Variants in HLCS observed in about 807,000 individuals in gnomAD.
The protein encoded by HLCS is holocarboxylase synthetase.
HLCS carries 53 observed loss-of-function variants against 75.0 expected under a neutral mutation model. The observed-to-expected ratio is 0.71, with a 90% CI of 0.57 to 0.89. The LOEUF is 0.89. Ranked by LOEUF, HLCS falls within the 40% of genes least tolerant of loss-of-function variation. HLCS has a pLI of 0.00. For missense variants in HLCS, 966 were observed against 1,074.0 expected, an observed-to-expected ratio of 0.90 and a Z score of 1.41; for synonymous variants, 431 against 428.6, an observed-to-expected ratio of 1.01 and a Z score of -0.07.
At chr21:36,969,403 C>T (rs759133980), upstream of HLCS, among the ~76,000 whole-genome samples, 2 of 152,132 alleles carry the variant, frequency 1.3e-5, no homozygotes, top group Non-Finnish European at 2.9e-5. Context: ...GAATCCTAGG[C>T]CCCACCCAAC....
At chr21:36,986,607 A>G in intron 1 of HLCS, 1 of 152,334 alleles carries the variant, frequency 6.6e-6, no homozygotes, top group Non-Finnish European at 1.5e-5. Flanking sequence ...TAGTAGAGAC[A>G]GGGTTTCTCC....
At chr21:36,850,004 A>G (rs1329339684) in intron 6 of HLCS, among the ~76,000 whole-genome samples, 1 of 152,072 alleles carries the variant, frequency 6.6e-6, no homozygotes, top group Non-Finnish European at 1.5e-5. Flanking sequence ...TGTTCCTTTC[A>G]ACTTTCTTCT....
At chr21:36,852,518 C>T (rs1000256180) in intron 6 of HLCS, among the ~76,000 whole-genome samples, 1 of 152,152 alleles carries the variant, frequency 6.6e-6, no homozygotes, top group Non-Finnish European at 1.5e-5. Context: ...TGCTTGGTGC[C>T]AGGCCAGCTG....
chr21:36,981,901 C>G (rs2069129129), intron 1 of HLCS, among the ~76,000 whole-genome samples: 1 of 152,150 alleles, frequency 6.6e-6, no homozygotes, highest in Admixed American at 6.5e-5. Flanking sequence ...AATTAGAATA[C>G]TCTCTCCCAA....
intron 6 of HLCS, among the ~76,000 whole-genome samples, chr21:36,847,853 T>C (rs1048383269): frequency 1.3e-5 from 2 of 152,254 alleles, no homozygotes; most frequent in African/African-American, 4.8e-5. Flanking sequence ...CTGCCTTTCA[T>C]GTATTCTGGC....
chr21:36,781,894 G>A (rs1427307846), intron 6 of HLCS, among the ~76,000 whole-genome samples: 1 of 152,048 alleles, frequency 6.6e-6, no homozygotes, highest in African/African-American at 2.4e-5. Flanking sequence ...TCAGGACAGG[G>A]TGTTGAATTT....
intron 2 of HLCS, among the ~76,000 whole-genome samples, chr21:36,951,637 T>TC (rs1261887956): frequency 3.9e-5 from 6 of 152,212 alleles, no homozygotes; most frequent in Non-Finnish European, 2.9e-5. Flanking sequence ...AACACATGCC[T>TC]CCAACCCTAC....
At chr21:36,754,989 C>T (rs1042837989) in intron 10 of HLCS, among the ~76,000 whole-genome samples, 6 of 152,108 alleles carry the variant, frequency 3.9e-5, no homozygotes, top group African/African-American at 1.4e-4. Context: ...AATAGTGCAA[C>T]AAACCTCATA....
rs943105547 is a variant in HLCS, at chr21:36,842,475, C to A, written c.1892+54385G>T. On this transcript the variant is annotated intron_variant, in intron 6 of 10. Transcript: ENST00000674895. This position sits in a 1 kb window ranked among gnomAD's most constrained non-coding sequence, Gnocchi z 4.2. ...AACTCTCTGGCCAGGCACAGTGGCT[C>A]ATCCCTATAATCCCAGCACTTCGGG... is the stretch of plus-strand genomic sequence containing the variant. Among the ~76,000 whole-genome samples the A allele has an allele frequency of 2.0e-5, 3 of 152,214 alleles. No homozygotes were observed. Among genetic ancestry groups the A allele is most frequent in the Non-Finnish European group, 4.4e-5 (3 of 68,038 alleles).
At chr21:36,969,983 C>T (rs1004295497), upstream of HLCS, among the ~76,000 whole-genome samples, 1 of 152,168 alleles carries the variant, frequency 6.6e-6, no homozygotes, top group Non-Finnish European at 1.5e-5. Context: ...TCAACATGAC[C>T]GGCTTTCTAT....
intron 2 of HLCS, among the ~76,000 whole-genome samples, chr21:36,951,641 A>G (rs1300880056): frequency 6.6e-6 from 1 of 152,172 alleles, no homozygotes; most frequent in Non-Finnish European, 1.5e-5. Flanking sequence ...CATGCCTCCA[A>G]CCCTACCTAG....
intron 6 of HLCS, among the ~76,000 whole-genome samples, chr21:36,845,237 C>T (rs995564196): frequency 2.6e-5 from 4 of 152,146 alleles, no homozygotes; most frequent in African/African-American, 9.7e-5. Context: ...CACAGCCGGC[C>T]ACTCGGCCCC....
At position 36,759,779 on chromosome 21, in the gene HLCS, G is replaced by A. The variant is rs370277326; in HGVS notation, c.2184C>T (p.Gly728=). Residue 728 remains glycine (G), a synonymous_variant, in exon 9 of 11, where the codon GGC becomes GGT. Transcript: ENST00000674895. The stretch of plus-strand genomic sequence containing the variant: ...TGAGTGTTGAGTTAACCAGAACTCC[G>A]CCGATCTTCATGAGGTCACTGTAAT... ...DIYYSDLMKI[G]GVLVNSTLMG... 19 of 1,613,510 alleles carry A rather than the reference G, an allele frequency of 1.2e-5. No individual in the cohort carries two copies. In the African/African-American group the frequency reaches 1.5e-4, roughly 12 times the overall value.
At chr21:36,959,252 T>C (rs1199944023) in intron 2 of HLCS, among the ~76,000 whole-genome samples, 4 of 152,216 alleles carry the variant, frequency 2.6e-5, no homozygotes, top group Non-Finnish European at 1.5e-5. Flanking sequence ...GCCTGGGCGG[T>C]GTCGCAACCC....
chr21:36,850,796 T>C (rs1373353223), intron 6 of HLCS, among the ~76,000 whole-genome samples: 1 of 152,176 alleles, frequency 6.6e-6, no homozygotes, highest in Non-Finnish European at 1.5e-5. Flanking sequence ...TGCCCTCAAA[T>C]GTTCATGCTA....
chr21:36,787,277 G>A (rs1028266336), intron 6 of HLCS, among the ~76,000 whole-genome samples: 4 of 151,998 alleles, frequency 2.6e-5, no homozygotes, highest in Non-Finnish European at 5.9e-5. Flanking sequence ...ACCGTGGGAC[G>A]AGGCACCTCT....
chr21:36,835,900 G>A (rs1383275224), intron 6 of HLCS, among the ~76,000 whole-genome samples: 1 of 151,842 alleles, frequency 6.6e-6, no homozygotes, highest in Non-Finnish European at 1.5e-5. Flanking sequence ...TACCCACAAA[G>A]ACCTGATTCC....
chr21:36,872,250 G>A (rs145552637), intron 6 of HLCS, among the ~76,000 whole-genome samples: 10 of 152,066 alleles, frequency 6.6e-5, no homozygotes, highest in South Asian at 2.1e-4. Context: ...GTGAAACCCC[G>A]TCTCTACTAA....
intron 6 of HLCS, among the ~76,000 whole-genome samples, chr21:36,841,873 A>G (rs1240186038): frequency 2.6e-5 from 4 of 152,146 alleles, no homozygotes; most frequent in Non-Finnish European, 5.9e-5. Context: ...TCACTCCTGA[A>G]AGTCTAATGA....
Sources: gnomAD v4.1 joint callset for allele counts (sites outside exome capture counted in the v4.1 genomes callset) on GRCh38, gnomAD v4.1.1 for gene constraint, Gnocchi (gnomAD v3.1) non-coding constraint, MANE v1.5 for transcripts, NCBI Gene and HGNC (gene_info 2026-07-23, HGNC 2026-07-21) for gene names.